ADAMTS9: variants seen among roughly 807,000 people sequenced by gnomAD.
The protein encoded by ADAMTS9 is ADAM metallopeptidase with thrombospondin type 1 motif 9, also known as A disintegrin and metalloproteinase with thrombospondin motifs 9.
ADAMTS9 carries 107 observed loss-of-function variants against 257.1 expected under a neutral mutation model. The observed-to-expected ratio is 0.42, with a 90% CI of 0.36 to 0.49. The LOEUF (loss-of-function observed/expected upper bound fraction) is 0.49, where lower values mean the gene tolerates loss of function less well. ADAMTS9 is among the 20% of genes least tolerant of loss of function. ADAMTS9 has a pLI of 0.03. For missense variants in ADAMTS9, 2,353 were observed against 2,469.1 expected, an observed-to-expected ratio of 0.95 and a Z score of 1.00; for synonymous variants, 982 against 880.9, an observed-to-expected ratio of 1.11 and a Z score of -2.03.
chr3:64,666,382 C>T lies in ADAMTS9; in HGVS notation c.680-7591G>A, dbSNP rs1159616990. On this transcript the variant is annotated intron_variant, in intron 3 of 39. Transcript: ENST00000498707. ...GTTTATCAAAATTTAACTGAGTTTC[C>T]TCAAGGCGCTGGGCTACCTTGTGAC... Among the ~76,000 whole-genome samples the T allele has an allele frequency of 5.9e-5, 9 of 152,258 alleles. No homozygotes were observed. The East Asian group carries it at 9.7e-4, about 16-fold the overall frequency.
At chr3:64,548,372 G>A (rs2083228275) in intron 31 of ADAMTS9, among the ~76,000 whole-genome samples, 1 of 152,138 alleles carries the variant, frequency 6.6e-6, no homozygotes, top group South Asian at 2.1e-4. Flanking sequence ...TGAAGGCCAA[G>A]TTGACGCCAG....
intron 30 of ADAMTS9, among the ~76,000 whole-genome samples, chr3:64,556,276 A>G (rs2083332065): frequency 6.6e-6 from 1 of 152,168 alleles, no homozygotes; most frequent in Admixed American, 6.5e-5. Context: ...AAAATAAAAC[A>G]GCTGTTCTTA....
chr3:64,557,190 G>C (rs544842054), intron 30 of ADAMTS9, among the ~76,000 whole-genome samples: 2 of 152,170 alleles, frequency 1.3e-5, no homozygotes, highest in South Asian at 2.1e-4. Context: ...AGAGGAAGGT[G>C]GTCTTATGAT....
intron 19 of ADAMTS9, 100 bp from the exon 20 acceptor site, chr3:64,616,270 T>C: frequency 7.7e-7 from 1 of 1,298,836 alleles, no homozygotes; most frequent in Non-Finnish European, 1.1e-6. Context: ...TCTTTTTTCT[T>C]TCTTAACTCG....
In ADAMTS9 at chr3:64,631,827, T is replaced by C. The variant is rs775130752; in HGVS notation, c.2274A>G (p.Thr758=). Residue 758 remains threonine (T), a synonymous_variant, in exon 15 of 40, where the codon ACA becomes ACG. Transcript: ENST00000498707. ...DNSSCKTVAG[T]FNTVHYGYNT... ...TCTTACCATAATGTACTGTATTAAA[T>C]GTTCCTGCCACTGTTTTGCATGAAG... 2.1e-5 allele frequency: 34 copies of C among 1,613,460 alleles called. No individual in the cohort carries two copies. Among genetic ancestry groups the C allele is most frequent in the South Asian group, 5.5e-5 (5 of 91,068 alleles).
At chr3:64,666,143 A>G (rs1321618694) in intron 3 of ADAMTS9, among the ~76,000 whole-genome samples, 6 of 152,186 alleles carry the variant, frequency 3.9e-5, no homozygotes, top group African/African-American at 9.7e-5. Context: ...TTTATTGGTA[A>G]AAATGTTTTA....
intron 28 of ADAMTS9, chr3:64,589,996 T>A (rs2084231328): frequency 6.6e-6 from 1 of 152,336 alleles, no homozygotes; most frequent in South Asian, 2.1e-4. Context: ...CTGTCTCTTA[T>A]GTGTTCAGAA....
intron 32 of ADAMTS9, among the ~76,000 whole-genome samples, chr3:64,543,378 G>A (rs1575998919): frequency 6.6e-6 from 1 of 152,148 alleles, no homozygotes; most frequent in African/African-American, 2.4e-5. Flanking sequence ...ATAAAATACT[G>A]GCAAACCGAA....
chr3:64,546,604 G>C (rs1200771024), intron 32 of ADAMTS9, among the ~76,000 whole-genome samples, 154 bp downstream of exon 32: 1 of 152,192 alleles, frequency 6.6e-6, no homozygotes, highest in Non-Finnish European at 1.5e-5. Context: ...ACAGAAAGAA[G>C]TCCCTTTGAT....
Position 64,686,130 on chromosome 3 carries a change from G to A in ADAMTS9, c.516+438C>T, listed in dbSNP as rs1002286079. On this transcript the variant is annotated intron_variant, in intron 2 of 39. Transcript: ENST00000498707. The surrounding 1 kb of genome is among the most constrained non-coding windows in gnomAD (Gnocchi z 4.6). ...ACTGAAGGAACTCCCAGTGCCTTGGGCAGGGGATCCTCAGCCCCACATCCC... is the reference window on the plus strand; with the variant it reads ...ACTGAAGGAACTCCCAGTGCCTTGGACAGGGGATCCTCAGCCCCACATCCC... Among the ~76,000 whole-genome samples the A allele has an allele frequency of 2.0e-5, 3 of 152,210 alleles. No homozygotes were observed. Among genetic ancestry groups the A allele is most frequent in the Non-Finnish European group, 4.4e-5 (3 of 68,034 alleles).
intron 23 of ADAMTS9, among the ~76,000 whole-genome samples, chr3:64,606,260 C>T (rs1243851097): frequency 2.0e-5 from 3 of 152,210 alleles, no homozygotes; most frequent in Non-Finnish European, 2.9e-5. Context: ...CCATTACTTT[C>T]TTAAGTCTAA....
chr3:64,586,983 C>T (rs1026388109), intron 28 of ADAMTS9: 3 of 152,172 alleles, frequency 2.0e-5, no homozygotes, highest in Non-Finnish European at 2.9e-5. Flanking sequence ...TAAAAAGCAT[C>T]ATTCAAGCCT....
At chr3:64,674,091 AG>A (rs144506152) in intron 3 of ADAMTS9, among the ~76,000 whole-genome samples, 59,739 of 151,432 alleles carry the variant, frequency 0.39, 11,912 homozygotes, top group African/African-American at 0.43. Context: ...TTAACACTAA[AG>A]TTTTTTTTTA....
intron 19 of ADAMTS9, among the ~76,000 whole-genome samples, chr3:64,617,051 G>A (rs1430248305): frequency 6.6e-6 from 1 of 152,158 alleles, no homozygotes; most frequent in Non-Finnish European, 1.5e-5. Flanking sequence ...GGGCTATGGA[G>A]ATTTTCCAAT....
intron 19 of ADAMTS9, among the ~76,000 whole-genome samples, chr3:64,619,663 G>A (rs1270290341): frequency 6.6e-6 from 1 of 152,034 alleles, no homozygotes; most frequent in Non-Finnish European, 1.5e-5. Flanking sequence ...AATATTAATA[G>A]GATAATATAT....
In ADAMTS9 at chr3:64,594,281, A is replaced by G; in HGVS notation, c.4333T>C (p.Trp1445Arg). ...NTHACPHDAAWSTGPWSSCSV... is the reference protein window; with the variant it reads ...NTHACPHDAARSTGPWSSCSV... ...ACCGAGCTCCAAGGGCCAGTACTCC[A>G]TGCAGCGTCGTGTGGACAAGCATGT... is the stretch of plus-strand genomic sequence containing the variant. Residue 1445 changes from tryptophan (W) to arginine (R), a missense_variant, in exon 28 of 40, where the codon TGG (tryptophan) becomes CGG (arginine). Physicochemically the swap from Trp to Arg is moderately radical, Grantham distance 101. Around this residue, in one of 3 missense-constraint regions of ADAMTS9, gnomAD observed 1,402 missense variants for 1,441.4 expected, o/e 0.97. Transcript: ENST00000498707. The G allele has an allele frequency of 1.2e-6, 2 of 1,613,948 alleles. No homozygotes were observed. The highest frequency in any genetic ancestry group is 8.5e-7 in the Non-Finnish European group (1 of 1,179,886).
chr3:64,573,316 G>A (rs1345698672), intron 28 of ADAMTS9, among the ~76,000 whole-genome samples: 8 of 152,124 alleles, frequency 5.3e-5, no homozygotes, highest in Non-Finnish European at 1.0e-4. Flanking sequence ...CTGTATACAT[G>A]AAATATGAAA....
chr3:64,585,141 G>A (rs1228592465), intron 28 of ADAMTS9, among the ~76,000 whole-genome samples: 1 of 152,126 alleles, frequency 6.6e-6, no homozygotes. Flanking sequence ...ATTCAGGTAT[G>A]GGGCAATTAA....
chr3:64,587,040 G>A (rs2084170698), intron 28 of ADAMTS9: 1 of 152,156 alleles, frequency 6.6e-6, no homozygotes, highest in Non-Finnish European at 1.5e-5. Context: ...CTCCTTAACT[G>A]AACTTATGGC....
Sources: allele counts gnomAD v4.1 joint callset (sites outside exome capture counted in the v4.1 genomes callset), GRCh38; gene constraint gnomAD v4.1.1; regional missense constraint gnomAD v4.1.1; non-coding constraint Gnocchi (gnomAD v3.1); transcripts MANE v1.5; gene names NCBI Gene and HGNC (gene_info 2026-07-23, HGNC 2026-07-21).